Variants in CAND1 observed in about 807,000 individuals in gnomAD.
The protein encoded by CAND1 is cullin-associated NEDD8-dissociated protein 1.
In CAND1, 7 loss-of-function variants were observed where a neutral mutation model predicts 108.5. The ratio of observed to expected loss-of-function variants is 0.06; its 90% confidence interval spans 0.04 to 0.12. The LOEUF (loss-of-function observed/expected upper bound fraction) is 0.12. Ranked by LOEUF, CAND1 falls within the 10% of genes least tolerant of loss-of-function variation. The probability of loss-of-function intolerance (pLI) is 1.00; values close to 1 mark genes in which losing one functional copy is unlikely to be tolerated. For missense variants in CAND1, 941 were observed against 1,448.7 expected (o/e 0.65, Z 5.69); for synonymous variants, 534 against 512.0 (o/e 1.04, Z -0.58).
chr12:67,302,266 TA>T lies in CAND1; in HGVS notation c.1001-54del. 6.9e-6 allele frequency: 10 copies of T among 1,458,786 alleles called. No individual in the cohort carries two copies. In the South Asian group the frequency reaches 1.1e-4, roughly 16 times the overall value. 90.4% of individuals were successfully genotyped at this position (1,458,786 alleles called of 1,614,324 possible). On this transcript the variant is annotated intron_variant, in intron 7 of 14. Transcript: ENST00000545606. ...AAGAATATCAATTGATTTTCTGTTTTAAATGATATACTTCTCTTGTCATTAA... is the reference window on the plus strand; with the variant it reads ...AAGAATATCAATTGATTTTCTGTTTTAATGATATACTTCTCTTGTCATTAA...
rs576725036 is a variant in CAND1, at chr12:67,308,337, A to G, written c.3025+845A>G. Among the ~76,000 whole-genome samples, 3 of 152,230 alleles carry G rather than the reference A, an allele frequency of 2.0e-5. No individual in the cohort carries two copies. In the South Asian group the frequency reaches 6.2e-4, roughly 31 times the overall value. On this transcript the variant is annotated intron_variant, in intron 11 of 14. Coordinates refer to ENST00000545606, the MANE Select transcript of CAND1 (RefSeq NM_018448.5). ...GAAAGCACAGGCACAAATGGGTTCT[A>G]TTGCTAGGGCCTAGAAATTATTTAA...
chr12:67,306,579 A>G lies in CAND1; in HGVS notation c.2911A>G (p.Lys971Glu). 1.2e-6 allele frequency: 2 copies of G among 1,608,002 alleles called. No homozygotes were observed. The highest frequency in any genetic ancestry group is 1.7e-6 in the Non-Finnish European group (2 of 1,177,202). The change falls in exon 10 of 15, where the codon AAG becomes GAG. Residue 971 changes from lysine to glutamate, a missense_variant. By Grantham distance (56) the Lys-to-Glu change is moderately conservative (BLOSUM62 1). Around this residue, in one of 9 missense-constraint regions of CAND1, gnomAD observed 106 missense variants for 182.0 expected, o/e 0.58. Coordinates refer to ENST00000545606, the MANE Select transcript of CAND1 (RefSeq NM_018448.5). Reference sequence around the variant, plus strand: ...TCCAGAAACTCTCCTTCCACGGCTTAAGGGGTACTTGATATCAGGTAGGTA... The same window carrying G: ...TCCAGAAACTCTCCTTCCACGGCTTGAGGGGTACTTGATATCAGGTAGGTA... ...IDPETLLPRL[K>E]GYLISGSSYA...
Position 67,319,564 on chromosome 12 carries a change from C to CT in CAND1, c.*6735dup, listed in dbSNP as rs2045039902. 1 of 152,182 alleles carries CT rather than the reference C, an allele frequency of 6.6e-6. No homozygotes were observed. The highest frequency in any genetic ancestry group is 2.4e-5 in the African/African-American group (1 of 41,440). 9.4% of individuals were successfully genotyped at this position (152,182 alleles called of 1,614,324 possible). A position where few individuals can be genotyped will look rare whatever the true frequency, so the allele number is the denominator to read the frequency against. On this transcript the variant is annotated 3_prime_UTR_variant, in exon 15 of 15. Coordinates refer to ENST00000545606, the MANE Select transcript of CAND1 (RefSeq NM_018448.5). Reference sequence around the variant, plus strand: ...TCAAATTCCTTTTAAAAGCACCTGTCTGTCTGTTAACGTTGGTGCAGATAC... The same window carrying CT: ...TCAAATTCCTTTTAAAAGCACCTGTCTTGTCTGTTAACGTTGGTGCAGATAC...
chr12:67,285,312 TTGGA>T (rs1379542581), intron 2 of CAND1, among the ~76,000 whole-genome samples: 1 of 152,232 alleles, frequency 6.6e-6, no homozygotes, highest in Non-Finnish European at 1.5e-5. Context: ...TTTCATGTCC[TTGGA>T]TGGGATAACT....
chr12:67,300,119 G>A (rs1565724960), intron 7 of CAND1, among the ~76,000 whole-genome samples: 1 of 152,032 alleles, frequency 6.6e-6, no homozygotes, highest in African/African-American at 2.4e-5. Flanking sequence ...TCTGCCTATC[G>A]TATTACTCAG....
chr12:67,319,174 C>T lies in CAND1; in HGVS notation c.*6344C>T, dbSNP rs1474762278. 6.6e-6 allele frequency: 1 copy of T among 152,200 alleles called. No homozygotes were observed. The highest frequency in any genetic ancestry group is 2.4e-5 in the African/African-American group (1 of 41,432). 9.4% of individuals were successfully genotyped at this position (152,200 alleles called of 1,614,324 possible). ...TCTACACAGCTGCAAAACAATGGTC[C>T]TGACCATTTCATCTTTGCACTACAT... On this transcript the variant is annotated 3_prime_UTR_variant, in exon 15 of 15. Coordinates refer to ENST00000545606, the MANE Select transcript of CAND1 (RefSeq NM_018448.5).
rs935922530 is a variant in CAND1 at position 67,274,784 on chromosome 12, C to T, written c.68+4999C>T. ...TTATTTAAGTGTTTTGGATATTGGA[C>T]GGTATTTTCTTTTGGAAACTGTTTA... On this transcript the variant is annotated intron_variant, in intron 1 of 14. Coordinates refer to ENST00000545606, the MANE Select transcript of CAND1 (RefSeq NM_018448.5). 7.9e-5 allele frequency among the ~76,000 whole-genome samples: 12 copies of T among 152,058 alleles called. No homozygotes were observed. In the East Asian group the frequency reaches 1.2e-3, roughly 15 times the overall value.
intron 2 of CAND1, among the ~76,000 whole-genome samples, chr12:67,286,252 C>T (rs1261679192): frequency 1.3e-5 from 2 of 152,158 alleles, no homozygotes; most frequent in Non-Finnish European, 2.9e-5. Context: ...CCTCATGATC[C>T]GCCCACCTCG....
Position 67,318,567 on chromosome 12 carries a change from A to G in CAND1, c.*5737A>G, listed in dbSNP as rs181972856. On this transcript the variant is annotated 3_prime_UTR_variant, in exon 15 of 15. Coordinates refer to ENST00000545606, the MANE Select transcript of CAND1 (RefSeq NM_018448.5). ...AATATCTCTCATGCCCATCTCCTAA[A>G]TATCTCTTTCCTAAATATCTCTCAT... 3.3e-5 allele frequency: 5 copies of G among 152,292 alleles called. No homozygotes were observed. The East Asian group carries it at 9.6e-4, about 29-fold the overall frequency. The allele number at this position is 152,292 out of a possible 1,614,324, so 9.4% of individuals were successfully genotyped here.
chr12:67,288,482 A>C (rs1417454457), intron 2 of CAND1, among the ~76,000 whole-genome samples: 1 of 152,092 alleles, frequency 6.6e-6, no homozygotes, highest in East Asian at 1.9e-4. Flanking sequence ...AGGATGTTAA[A>C]ACTTTCAACT....
rs710621 is a variant in CAND1 at position 67,271,091 on chromosome 12, A to C, written c.68+1306A>C. On this transcript the variant is annotated intron_variant, in intron 1 of 14. Coordinates refer to ENST00000545606, the MANE Select transcript of CAND1 (RefSeq NM_018448.5). ...ACCACAAAACCACGTATTACTTTAA[A>C]AAATATTTCTACCTAGGCAGCTCTT... Among the ~76,000 whole-genome samples, 1,026 of 152,364 alleles carry C rather than the reference A, an allele frequency of 6.7e-3. 7 individuals carry two copies. The highest frequency in any genetic ancestry group is 0.023 in the African/African-American group (977 of 41,586).
rs566460490 is a variant in CAND1, at chr12:67,284,816, A to G, written c.212+2763A>G. On this transcript the variant is annotated intron_variant, in intron 2 of 14. Coordinates refer to ENST00000545606, the MANE Select transcript of CAND1 (RefSeq NM_018448.5). The stretch of plus-strand genomic sequence containing the variant: ...ACATACACACACTTACTTCAGCCCA[A>G]AAGTTATAAAATACCAGATACATTC... 6.7e-5 allele frequency among the ~76,000 whole-genome samples: 4 copies of G among 59,332 alleles called. No individual in the cohort carries two copies. In the East Asian group the frequency reaches 1.4e-3, roughly 21 times the overall value. 38.9% of individuals were successfully genotyped at this position (59,332 alleles called of 152,430 possible).
chr12:67,305,673 G>T lies in CAND1; in HGVS notation c.2005G>T (p.Gly669Cys), dbSNP rs1441748211. ...AAAAAACCAGAGAGCTTTGAAACTG[G>T]GTACTCTTTCTGCCCTTGATATTCT... ...LRKNQRALKL[G>C]TLSALDILIK... Residue 669 changes from glycine (G) to cysteine (C), a missense_variant, in exon 10 of 15, where the codon GGT (glycine) becomes TGT (cysteine). Physicochemically the swap from Gly to Cys is radical, Grantham distance 159. Around this residue, in one of 9 missense-constraint regions of CAND1, gnomAD observed 697 missense variants for 942.0 expected, o/e 0.74. Coordinates refer to ENST00000545606, the MANE Select transcript of CAND1 (RefSeq NM_018448.5). The surrounding 1 kb of genome is among the most constrained non-coding windows in gnomAD (Gnocchi z 4.4). 1 of 1,614,032 alleles carries T rather than the reference G, an allele frequency of 6.2e-7. No individual in the cohort carries two copies. The highest frequency in any genetic ancestry group is 8.5e-7 in the Non-Finnish European group (1 of 1,179,968).
At chr12:67,280,397 C>G (rs1475336970) in intron 1 of CAND1, among the ~76,000 whole-genome samples, 1 of 152,164 alleles carries the variant, frequency 6.6e-6, no homozygotes, top group Non-Finnish European at 1.5e-5. Flanking sequence ...AGTTTATTTC[C>G]CATGTTGCGG....
chr12:67,306,141 G>A lies in CAND1; in HGVS notation c.2473G>A (p.Val825Ile). 3 of 1,614,116 alleles carry A rather than the reference G, an allele frequency of 1.9e-6. No individual in the cohort carries two copies. Among genetic ancestry groups the A allele is most frequent in the Non-Finnish European group, 2.5e-6 (3 of 1,179,980 alleles). The change falls in exon 10 of 15, where the codon GTC becomes ATC. Residue 825 changes from valine to isoleucine, a missense_variant. Physicochemically the swap from Val to Ile is conservative, Grantham distance 29. This residue lies in a region of CAND1 where 697 missense variants were observed against 942.0 expected (regional missense o/e 0.74). Transcript: ENST00000545606. ...TGTAGTAGGTCAGTTTATTCAAGAT[G>A]TCAAGAACTCAAGGTCTACAGATTC... ...PAVVGQFIQD[V>I]KNSRSTDSIR...
At chr12:67,308,401 A>C (rs1152895) in intron 11 of CAND1, among the ~76,000 whole-genome samples, 84,230 of 151,982 alleles carry the variant, frequency 0.55, 24,477 homozygotes, top group Non-Finnish European at 0.65. Context: ...TTTCCCCCAC[A>C]CATTTTCTGC....
chr12:67,297,013 G>A (rs1463553237), intron 4 of CAND1, among the ~76,000 whole-genome samples: 11 of 151,984 alleles, frequency 7.2e-5, no homozygotes, highest in Non-Finnish European at 1.3e-4. Flanking sequence ...GCCCAGGCTG[G>A]TCTCGAACTC....
At chr12:67,312,329 G>A (rs1024142787) in intron 14 of CAND1, among the ~76,000 whole-genome samples, 14 of 152,078 alleles carry the variant, frequency 9.2e-5, no homozygotes, top group Non-Finnish European at 1.5e-4. Context: ...GACTTGCTAA[G>A]CAGATAGTTG....
chr12:67,305,292 G>T lies in CAND1; in HGVS notation c.1624G>T (p.Val542Phe). Residue 542 changes from valine (V) to phenylalanine (F), a missense_variant, in exon 10 of 15, where the codon GTT (valine) becomes TTT (phenylalanine). This residue lies in a region of CAND1 where 697 missense variants were observed against 942.0 expected (regional missense o/e 0.74). Transcript: ENST00000545606. The surrounding 1 kb of genome is among the most constrained non-coding windows in gnomAD (Gnocchi z 4.4). The part of the protein sequence containing the change: ...FYKITSEALL[V>F]TQQLVKVIRP... Reference sequence around the variant, plus strand: ...CAAAATTACATCTGAAGCACTTCTTGTTACTCAACAGCTTGTCAAAGTAAT... The same window carrying T: ...CAAAATTACATCTGAAGCACTTCTTTTTACTCAACAGCTTGTCAAAGTAAT... 6.2e-7 allele frequency: 1 copy of T among 1,614,112 alleles called. No homozygotes were observed. The highest frequency in any genetic ancestry group is 8.5e-7 in the Non-Finnish European group (1 of 1,180,012).
Sources: allele counts gnomAD v4.1 joint callset (sites outside exome capture counted in the v4.1 genomes callset), GRCh38; gene constraint gnomAD v4.1.1; regional missense constraint gnomAD v4.1.1; non-coding constraint Gnocchi (gnomAD v3.1); transcripts MANE v1.5; gene names NCBI Gene and HGNC (gene_info 2026-07-23, HGNC 2026-07-21).